LAMA5: variants seen among roughly 807,000 people sequenced by gnomAD.
LAMA5 encodes laminin subunit alpha 5.
A neutral mutation model predicts 433.4 loss-of-function variants in LAMA5; 260 were observed. That is an observed-to-expected ratio of 0.60 (90% CI 0.54 to 0.66). LAMA5 has a LOEUF of 0.66. Among genes scored for constraint, LAMA5 ranks in the 30% least tolerant of loss-of-function variants. LAMA5 has a pLI of 0.00. For synonymous variants in LAMA5, 2,620 were observed against 2,226.6 expected, an observed-to-expected ratio of 1.18 and a Z score of -4.97; for missense variants, 5,378 against 5,258.5, an observed-to-expected ratio of 1.02 and a Z score of -0.70.
chr20:62,329,735 A>G, intron 32 of LAMA5, 42 bp downstream of exon 32: 2 of 1,608,278 alleles, frequency 1.2e-6, no homozygotes, highest in Non-Finnish European at 1.7e-6. Flanking sequence ...TGACAAGTAT[A>G]AGGACAGCTG....
At chr20:62,340,632 A>C (rs1982451799) in intron 11 of LAMA5, among the ~76,000 whole-genome samples, 1 of 152,054 alleles carries the variant, frequency 6.6e-6, no homozygotes, top group Admixed American at 6.6e-5. Context: ...TTAACATGCC[A>C]AATCGGTACT....
At position 62,325,534 on chromosome 20, in the gene LAMA5, G is replaced by A. The variant is rs1979142379; in HGVS notation, c.5311C>T (p.His1771Tyr). Residue 1771 changes from histidine (H) to tyrosine (Y), a missense_variant, in exon 41 of 80, where the codon CAT becomes TAT. By Grantham distance (83) the His-to-Tyr change is moderately conservative (BLOSUM62 2). Transcript: ENST00000252999. ...GACACAGTGTTGCGCGTCTCCGTAT[G>A]CCGGAAGTTCCCCTGTGGGTCCAGG... Reference protein sequence around the residue: ...QLQLVEGNFRHTETRNTVSRE... With the variant: ...QLQLVEGNFRYTETRNTVSRE... The A allele has an allele frequency of 6.2e-7, 1 of 1,607,228 alleles. No homozygotes were observed. Among genetic ancestry groups the A allele is most frequent in the Non-Finnish European group, 8.5e-7 (1 of 1,176,250 alleles).
At chr20:62,337,092 A>G in intron 16 of LAMA5, 1 of 612,098 alleles carries the variant, frequency 1.6e-6, no homozygotes, top group Non-Finnish European at 3.1e-6. Flanking sequence ...GCACGTGAAG[A>G]TGCACCCACT....
At position 62,315,319 on chromosome 20, in the gene LAMA5, C is replaced by T. The variant is rs6062210; in HGVS notation, c.7868-112G>A. ...CAGGGACATCCAACCCCCTATGGAT[C>T]GTGTGAGACCCTCACACCCCGCTGC... On this transcript the variant is annotated intron_variant, in intron 58 of 79. Coordinates refer to ENST00000252999, the MANE Select transcript of LAMA5 (RefSeq NM_005560.6). The T allele has an allele frequency of 0.69, 605,889 of 882,890 alleles. 209,039 individuals carry two copies. The highest frequency in any genetic ancestry group is 0.8 in the East Asian group (29,731 of 37,336). 54.7% of individuals were successfully genotyped at this position (882,890 alleles called of 1,614,324 possible).
At chr20:62,314,991 G>C (rs761988862) in intron 59 of LAMA5, 37 bp downstream of exon 59, 4 of 1,576,968 alleles carry the variant, frequency 2.5e-6, no homozygotes, top group African/African-American at 1.3e-5. Context: ...CACCGTGCCC[G>C]CCTCCATCAG....
intron 36 of LAMA5, 67 bp downstream of exon 36, chr20:62,327,799 C>T (rs889263765): frequency 4.3e-5 from 67 of 1,572,916 alleles, no homozygotes; most frequent in Non-Finnish European, 5.5e-5. Context: ...CCCGAAAGGC[C>T]CGTAAGGACA....
intron 1 of LAMA5, among the ~76,000 whole-genome samples, chr20:62,364,860 C>A (rs1986546297): frequency 6.6e-6 from 1 of 152,392 alleles, no homozygotes; most frequent in African/African-American, 2.4e-5. Context: ...ACACACTGCC[C>A]AGCCCCAGGC....
rs1351477144 is a variant in LAMA5, at chr20:62,322,853, CTG to C, written c.6065-97_6065-96del. On this transcript the variant is annotated intron_variant, in intron 45 of 79. Coordinates refer to ENST00000252999, the MANE Select transcript of LAMA5 (RefSeq NM_005560.6). ...TAAGCCCTCACTTCACTGCCTCCTG[CTG>C]TGTCTCCTCCAGGCCGCCCGGACCA... 3.7e-6 allele frequency: 3 copies of C among 803,540 alleles called. No homozygotes were observed. The South Asian group carries it at 5.8e-5, about 15-fold the overall frequency. 49.8% of individuals were successfully genotyped at this position (803,540 alleles called of 1,614,324 possible). A position where few individuals can be genotyped will look rare whatever the true frequency, so the allele number is the denominator to read the frequency against.
rs543735593 is a variant in LAMA5 at position 62,320,829 on chromosome 20, G to A, written c.6558C>T (p.Pro2186=). The change falls in exon 49 of 80, where the codon CCC becomes CCT. Residue 2186 remains proline (P), a synonymous_variant. Coordinates refer to ENST00000252999, the MANE Select transcript of LAMA5 (RefSeq NM_005560.6). ...TGCCACGCAGTTGCTCGTGAATGGC[G>A]GGGAGGAGGGCGCCGGCCCGTTCCA... ...DDLERAGALL[P]AIHEQLRGIN... is the part of the protein sequence containing the mutation. The A allele has an allele frequency of 2.1e-4, 340 of 1,612,610 alleles. 6 individuals are homozygous for A. Among genetic ancestry groups the A allele is most frequent in the South Asian group, 1.8e-3 (163 of 91,076 alleles).
chr20:62,310,912 C>T lies in LAMA5; in HGVS notation c.10271G>A (p.Arg3424His), dbSNP rs767793690. The change falls in exon 74 of 80, where the codon CGC (arginine) becomes CAC (histidine). Residue 3424 changes from arginine (R) to histidine (H), a missense_variant. Arg to His is a conservative substitution (Grantham distance 29, BLOSUM62 0). Transcript: ENST00000252999. ...CTTCTCGGCCCTCACCTTGTGCCAG[C>T]GGCCAGGCCGGGAGCGCTGGCGGCT... is the stretch of plus-strand genomic sequence containing the variant. ...AQSRQRSRPG[R>H]WHKVSVRWEK... The T allele has an allele frequency of 3.2e-5, 52 of 1,609,978 alleles. No individual in the cohort carries two copies. The highest frequency in any genetic ancestry group is 8.4e-5 in the Admixed American group (5 of 59,808).
rs761580279 is a variant in LAMA5 at position 62,311,233 on chromosome 20, G to A, written c.10017C>T (p.Asp3339=). ...ACAGGGAACCCCCAAACTGGTAGGA[G>A]TCTCGGGTGGTCCTGAGGTGTGGGG... ...MLPPHLRTTR[D]SYQFGGSLSS... is the part of the protein sequence containing the mutation. The change falls in exon 73 of 80, where the codon GAC becomes GAT. Residue 3339 remains aspartate, a synonymous_variant. Transcript: ENST00000252999. 5.6e-6 allele frequency: 9 copies of A among 1,609,922 alleles called. No individual in the cohort carries two copies. Among genetic ancestry groups the A allele is most frequent in the South Asian group, 1.1e-5 (1 of 90,864 alleles).
At position 62,320,175 on chromosome 20, in the gene LAMA5, G is replaced by A. The variant is rs182028223; in HGVS notation, c.6760-380C>T. 1.2e-3 allele frequency among the ~76,000 whole-genome samples: 183 copies of A among 151,938 alleles called. 1 individual carries two copies. Among genetic ancestry groups the A allele is most frequent in the Admixed American group, 2.6e-3 (40 of 15,222 alleles). ...CTGTACTAAAAATACAAAATTAGCT[G>A]GGCGTGGTGGCGTGTGCCTGTAATC... is the stretch of plus-strand genomic sequence containing the variant. On this transcript the variant is annotated intron_variant, in intron 50 of 79. Coordinates refer to ENST00000252999, the MANE Select transcript of LAMA5 (RefSeq NM_005560.6).
intron 16 of LAMA5, among the ~76,000 whole-genome samples, 175 bp downstream of exon 16, chr20:62,337,415 C>T (rs912234970): frequency 2.0e-5 from 3 of 152,366 alleles, no homozygotes; most frequent in Non-Finnish European, 2.9e-5. Flanking sequence ...GGGCAGTACG[C>T]GGACACCCCT....
rs746309266 is a variant in LAMA5, at chr20:62,312,023, G to C, written c.9532C>G (p.Gln3178Glu). Residue 3178 changes from glutamine to glutamate, a missense_variant, in exon 70 of 80, where the codon CAG becomes GAG. Coordinates refer to ENST00000252999, the MANE Select transcript of LAMA5 (RefSeq NM_005560.6). ...PDGLCQVSLQ[Q>E]GRVSLQLLRT... is the part of the protein sequence containing the mutation. The stretch of plus-strand genomic sequence containing the variant: ...AGGAGCTGTAGGCTCACACGGCCCT[G>C]CTGCAGGGACACCTGGCATAGCCCA... 6.2e-7 allele frequency: 1 copy of C among 1,612,606 alleles called. No individual in the cohort carries two copies. Among genetic ancestry groups the C allele is most frequent in the Non-Finnish European group, 8.5e-7 (1 of 1,179,886 alleles).
intron 11 of LAMA5, among the ~76,000 whole-genome samples, chr20:62,339,224 ATAGTTTCTTTTTTTT>A (rs1982187946): frequency 1.4e-5 from 2 of 139,308 alleles, no homozygotes; most frequent in Non-Finnish European, 1.5e-5. Flanking sequence ...AAAACAAATT[ATAGTTTCTTTTTTTT>A]TTTTTTTTTT....
Position 62,310,584 on chromosome 20 carries a change from G to C in LAMA5, c.10447-12C>G, listed in dbSNP as rs1986139156. The C allele has an allele frequency of 6.4e-7, 1 of 1,564,160 alleles. No individual in the cohort carries two copies. The highest frequency in any genetic ancestry group is 8.6e-7 in the Non-Finnish European group (1 of 1,159,544). On this transcript the variant is annotated splice_polypyrimidine_tract_variant and intron_variant, in intron 75 of 79. Transcript: ENST00000252999. ...AACCCGACGGTCACCTATAGGAGCA[G>C]ACCGGGCAGGGATCAGGGCCCAGGG...
chr20:62,312,530 A>G lies in LAMA5; in HGVS notation c.9230T>C (p.Leu3077Pro), dbSNP rs749808997. ...GCCTCCGGTGGGGAAGAGCCGTCGC[A>G]GGCTGTGGGGAAGCGGGGATGCGGG... ...GVPPDQLPPS[L>P]RRLFPTGGSV... Residue 3077 changes from leucine to proline, a missense_variant and splice_region_variant, in exon 68 of 80, where the codon CTG becomes CCG. Physicochemically the swap from Leu to Pro is moderately conservative, Grantham distance 98. Transcript: ENST00000252999. 1.3e-6 allele frequency: 2 copies of G among 1,599,410 alleles called. No homozygotes were observed. Among genetic ancestry groups the G allele is most frequent in the South Asian group, 1.1e-5 (1 of 90,972 alleles).
chr20:62,315,602 T>A (rs1227827582), intron 58 of LAMA5, among the ~76,000 whole-genome samples: 1 of 152,046 alleles, frequency 6.6e-6, no homozygotes, highest in African/African-American at 2.4e-5. Flanking sequence ...CCGCCCAAGG[T>A]CTTGCCAGCC....
At position 62,312,733 on chromosome 20, in the gene LAMA5, A is replaced by G. The variant is rs1473395914; in HGVS notation, c.9126T>C (p.Arg3042=). The change falls in exon 67 of 80, where the codon CGT becomes CGC. Residue 3042 remains arginine (R), a synonymous_variant. Coordinates refer to ENST00000252999, the MANE Select transcript of LAMA5 (RefSeq NM_005560.6). ...LGGSRKRVLV[R]VERATVYSVE... Reference sequence around the variant, plus strand: ...CGCTGTACACCGTGGCCCGCTCCACACGCACCAGCACACGCTTGCGGCTGC... The same window carrying G: ...CGCTGTACACCGTGGCCCGCTCCACGCGCACCAGCACACGCTTGCGGCTGC... 1 of 1,595,590 alleles carries G rather than the reference A, an allele frequency of 6.3e-7. No individual in the cohort carries two copies. The highest frequency in any genetic ancestry group is 1.1e-5 in the South Asian group (1 of 88,914).
Sources: allele counts gnomAD v4.1 joint callset (sites outside exome capture counted in the v4.1 genomes callset), GRCh38; gene constraint gnomAD v4.1.1; transcripts MANE v1.5; gene names NCBI Gene and HGNC (gene_info 2026-07-23, HGNC 2026-07-21).